Variants in KIAA0319 observed in about 807,000 individuals in gnomAD.
The protein encoded by KIAA0319 is dyslexia-associated protein KIAA0319.
Under a neutral mutation model 108.4 loss-of-function variants are expected in KIAA0319, and 83 were observed. That is an observed-to-expected ratio of 0.77 (90% CI 0.64 to 0.92). KIAA0319 has a LOEUF of 0.92. Ranked by LOEUF, KIAA0319 falls within the 40% of genes least tolerant of loss-of-function variation. The pLI, the probability that KIAA0319 is intolerant of heterozygous loss-of-function variation, is 0.00. For synonymous variants in KIAA0319, 484 were observed against 510.4 expected (o/e 0.95, Z 0.70); for missense variants, 1,195 against 1,322.4 (o/e 0.90, Z 1.49).
At chr6:24,637,770 C>T (rs1001694708) in intron 1 of KIAA0319, among the ~76,000 whole-genome samples, 1 of 151,886 alleles carries the variant, frequency 6.6e-6, no homozygotes, top group Non-Finnish European at 1.5e-5. Context: ...AGAAGGATCC[C>T]GCCTATCAGC....
chr6:24,587,426 G>A (rs1007709561), intron 4 of KIAA0319, among the ~76,000 whole-genome samples: 5 of 151,778 alleles, frequency 3.3e-5, no homozygotes, highest in South Asian at 4.2e-4. Context: ...GACTACAGGC[G>A]CCCACCACCA....
rs568665438 is a variant in KIAA0319, at chr6:24,544,311, A to T, written c.*2854T>A. The T allele has an allele frequency of 5.9e-5, 9 of 152,338 alleles. No homozygotes were observed. The highest frequency in any genetic ancestry group is 2.6e-4 in the Admixed American group (4 of 15,302). The allele number at this position is 152,338 out of a possible 1,614,324, so 9.4% of individuals were successfully genotyped here. ...TCTACCCTGAAGCATAAAGAAAACA[A>T]ATTTCCCCCTAAAAATAAGCATTAC... On this transcript the variant is annotated 3_prime_UTR_variant, in exon 21 of 21. Transcript: ENST00000378214.
chr6:24,578,469 C>T (rs529217972), intron 8 of KIAA0319, among the ~76,000 whole-genome samples: 5 of 152,308 alleles, frequency 3.3e-5, no homozygotes, highest in African/African-American at 1.2e-4. Flanking sequence ...TGTTCCCACT[C>T]AGTTGAATAT....
At chr6:24,551,355 T>G in intron 20 of KIAA0319, 79 bp downstream of exon 20, 1 of 937,600 alleles carries the variant, frequency 1.1e-6, no homozygotes, top group Non-Finnish European at 1.8e-6. Flanking sequence ...TCGTTCTCCC[T>G]CTATCCAAGT....
intron 3 of KIAA0319, among the ~76,000 whole-genome samples, chr6:24,594,118 GAA>G (rs1452375894): frequency 1.4e-5 from 2 of 138,688 alleles, no homozygotes; most frequent in Non-Finnish European, 3.0e-5. Flanking sequence ...AGAATCACTT[GAA>G]CCTGGGCAGC....
At chr6:24,556,560 C>G in intron 18 of KIAA0319, 47 bp downstream of exon 18, 1 of 1,574,060 alleles carries the variant, frequency 6.4e-7, no homozygotes, top group Non-Finnish European at 8.6e-7. Context: ...TGAGAATGAG[C>G]TGCCTTAAGG....
At position 24,588,599 on chromosome 6, in the gene KIAA0319, T is replaced by C. The variant is rs1275926190; in HGVS notation, c.988A>G (p.Arg330Gly). 6.2e-7 allele frequency: 1 copy of C among 1,612,692 alleles called. No individual in the cohort carries two copies. The highest frequency in any genetic ancestry group is 1.7e-5 in the Admixed American group (1 of 59,918). ...ELPISPTTAP[R>G]TVKELTVSAG... ...TGTATTTTTTAAAAGTTACCTGTCCTGGGAGCAGTGGTAGGAGATATGGGT... is the reference window on the plus strand; with the variant it reads ...TGTATTTTTTAAAAGTTACCTGTCCCGGGAGCAGTGGTAGGAGATATGGGT... Residue 330 changes from arginine (R) to glycine (G), a missense_variant, in exon 4 of 21, where the codon AGG becomes GGG. Coordinates refer to ENST00000378214, the MANE Select transcript of KIAA0319 (RefSeq NM_014809.4).
At chr6:24,644,945 A>C (rs1404641037) in intron 1 of KIAA0319, among the ~76,000 whole-genome samples, 1 of 152,252 alleles carries the variant, frequency 6.6e-6, no homozygotes, top group Non-Finnish European at 1.5e-5. Flanking sequence ...TAATACTAAA[A>C]AAAGCACAAA....
chr6:24,548,166 A>T (rs1352092826), intron 20 of KIAA0319, among the ~76,000 whole-genome samples: 2 of 152,204 alleles, frequency 1.3e-5, no homozygotes, highest in Admixed American at 6.5e-5. Context: ...TTGCTTCAGT[A>T]ATGTTTCCCA....
intron 3 of KIAA0319, among the ~76,000 whole-genome samples, chr6:24,590,334 G>A (rs1396330723): frequency 6.6e-6 from 1 of 150,516 alleles, no homozygotes; most frequent in African/African-American, 2.4e-5. Flanking sequence ...ATGAAATTAA[G>A]CTGTATTGAT....
intron 1 of KIAA0319, among the ~76,000 whole-genome samples, chr6:24,630,764 A>G (rs1214764920): frequency 6.6e-6 from 1 of 151,216 alleles, no homozygotes; most frequent in Non-Finnish European, 1.5e-5. Context: ...ACTTTCATTC[A>G]ATATTTTATC....
At chr6:24,594,508 T>TC (rs2127517890) in intron 3 of KIAA0319, among the ~76,000 whole-genome samples, 1 of 151,678 alleles carries the variant, frequency 6.6e-6, no homozygotes, top group African/African-American at 2.4e-5. Context: ...ACACCTATAG[T>TC]CCCAGCTACT....
intron 1 of KIAA0319, among the ~76,000 whole-genome samples, chr6:24,614,698 AT>A (rs1240650837): frequency 1.3e-5 from 2 of 152,148 alleles, no homozygotes; most frequent in Non-Finnish European, 1.5e-5. Context: ...TATGCTGCAT[AT>A]GTGTCTCTCT....
intron 2 of KIAA0319, chr6:24,598,214 A>G (rs73727345): frequency 0.022 from 11,348 of 516,790 alleles, 435 homozygotes; most frequent in African/African-American, 0.12. Flanking sequence ...AGTGGTATGG[A>G]GGGCATCACA....
chr6:24,542,891 G>A (rs146954255), downstream of KIAA0319, among the ~76,000 whole-genome samples: 1 of 152,140 alleles, frequency 6.6e-6, no homozygotes. Context: ...AACCAACCAG[G>A]CGTCATCTGT....
intron 4 of KIAA0319, among the ~76,000 whole-genome samples, chr6:24,587,120 C>T (rs1344114617): frequency 6.6e-6 from 1 of 152,170 alleles, no homozygotes; most frequent in Non-Finnish European, 1.5e-5. Flanking sequence ...TCTTCCTTCA[C>T]ATCCTTACAT....
intron 9 of KIAA0319, 74 bp from the exon 10 acceptor site, chr6:24,576,670 A>ACAGTGTTGGGATT: frequency 3.3e-6 from 4 of 1,198,722 alleles, no homozygotes; most frequent in Non-Finnish European, 4.9e-6. Flanking sequence ...CTGTAATCCC[A>ACAGTGTTGGGATT]ACACTGTGGG....
At chr6:24,568,597 G>C (rs1158622936) in intron 13 of KIAA0319, among the ~76,000 whole-genome samples, 184 bp downstream of exon 13, 4 of 152,162 alleles carry the variant, frequency 2.6e-5, no homozygotes, top group African/African-American at 9.7e-5. Flanking sequence ...GCTTGCAGAG[G>C]GCGACTGAGA....
chr6:24,557,352 A>C (rs1762449909), intron 17 of KIAA0319, among the ~76,000 whole-genome samples: 1 of 151,792 alleles, frequency 6.6e-6, no homozygotes. Context: ...AAATACAATA[A>C]ATTAGCTGGG....
Sources: gnomAD v4.1 joint callset for allele counts (sites outside exome capture counted in the v4.1 genomes callset) on GRCh38, gnomAD v4.1.1 for gene constraint, MANE v1.5 for transcripts, NCBI Gene and HGNC (gene_info 2026-07-23, HGNC 2026-07-21) for gene names.